Variants in TNIK observed in about 807,000 individuals in gnomAD.
TNIK encodes the protein TRAF2 and NCK-interacting protein kinase.
In TNIK, 49 loss-of-function variants were observed where a neutral mutation model predicts 191.3. The ratio of observed to expected loss-of-function variants is 0.26; its 90% CI spans 0.20 to 0.32. TNIK has a LOEUF of 0.32. Ranked by LOEUF, TNIK falls within the 10% of genes least tolerant of loss-of-function variation. The probability of loss-of-function intolerance (pLI) is 1.00; values close to 1 mark genes in which losing one functional copy is unlikely to be tolerated. For synonymous variants in TNIK, 594 were observed against 600.9 expected (o/e 0.99, Z 0.17); for missense variants, 1,155 against 1,702.3 (o/e 0.68, Z 5.66).
chr3:171,410,349 C>A (rs546100113), intron 1 of TNIK, among the ~76,000 whole-genome samples: 1 of 152,330 alleles, frequency 6.6e-6, no homozygotes, highest in African/African-American at 2.4e-5. Context: ...CCTGAGAAGG[C>A]TGGCTGACAC....
chr3:171,350,565 T>G (rs1309520987), intron 2 of TNIK, among the ~76,000 whole-genome samples: 1 of 135,764 alleles, frequency 7.4e-6, no homozygotes, highest in Non-Finnish European at 1.5e-5. Context: ...AGTGAAAGAT[T>G]TCCATATAAC....
intron 3 of TNIK, among the ~76,000 whole-genome samples, chr3:171,215,904 C>T (rs1741401920): frequency 6.6e-6 from 1 of 152,144 alleles, no homozygotes; most frequent in Non-Finnish European, 1.5e-5. Flanking sequence ...GCAATTCCTA[C>T]AGCAAGTCTA....
chr3:171,225,220 C>T (rs905128), intron 3 of TNIK, among the ~76,000 whole-genome samples: 40,379 of 152,030 alleles, frequency 0.27, 7,163 homozygotes, highest in African/African-American at 0.5. Context: ...ATAGAATAGA[C>T]TGTCTTCTAA....
In TNIK at chr3:171,208,679, T is replaced by C. The variant is rs564294505; in HGVS notation, c.306+2437A>G. Among the ~76,000 whole-genome samples the C allele has an allele frequency of 3.3e-5, 5 of 152,194 alleles. No individual in the cohort carries two copies. In the East Asian group the frequency reaches 5.8e-4, roughly 18 times the overall value. ...TTCAAGCAATTCTCCTGCCTCAGCC[T>C]CTGGAGTAGCTGGAATTACAGGCAG... On this transcript the variant is annotated intron_variant, in intron 4 of 32. Transcript: ENST00000436636.
chr3:171,143,636 A>ATCCCT, intron 12 of TNIK, among the ~76,000 whole-genome samples: 1 of 152,296 alleles, frequency 6.6e-6, no homozygotes, highest in East Asian at 1.9e-4. Flanking sequence ...ATTTGAGTAT[A>ATCCCT]TCTTACCAAC....
intron 15 of TNIK, among the ~76,000 whole-genome samples, chr3:171,134,446 A>C (rs1729700777): frequency 6.6e-6 from 1 of 151,886 alleles, no homozygotes; most frequent in Non-Finnish European, 1.5e-5. Flanking sequence ...ATGCCCAGCT[A>C]ATTTTTATTA....
intron 1 of TNIK, among the ~76,000 whole-genome samples, chr3:171,408,664 TG>T (rs1722013577): frequency 6.6e-6 from 1 of 152,126 alleles, no homozygotes; most frequent in African/African-American, 2.4e-5. Context: ...CTCAGTAGGT[TG>T]TTGTGATGAT....
intron 2 of TNIK, among the ~76,000 whole-genome samples, chr3:171,293,837 T>C (rs1751961570): frequency 6.6e-6 from 1 of 152,164 alleles, no homozygotes. Flanking sequence ...CCTAGCACTT[T>C]AGGAGATCAA....
Position 171,177,314 on chromosome 3 carries a change from G to T in TNIK, c.694+12C>A. 1 of 1,604,828 alleles carries T rather than the reference G, an allele frequency of 6.2e-7. No individual in the cohort carries two copies. The highest frequency in any genetic ancestry group is 8.5e-7 in the Non-Finnish European group (1 of 1,175,624). On this transcript the variant is annotated intron_variant, in intron 8 of 32. Transcript: ENST00000436636. ...ACCAGCAACAGATTTCACCCCAGAG[G>T]AGGGTACTTACGGGGAGCACCTTCT...
intron 1 of TNIK, among the ~76,000 whole-genome samples, chr3:171,434,867 T>C (rs2108672098): frequency 6.6e-6 from 1 of 152,338 alleles, no homozygotes; most frequent in African/African-American, 2.4e-5. Flanking sequence ...TCCTGACACC[T>C]TGATATCATC....
intron 1 of TNIK, among the ~76,000 whole-genome samples, chr3:171,383,177 C>A (rs1411308787): frequency 6.6e-6 from 1 of 152,158 alleles, no homozygotes; most frequent in Admixed American, 6.5e-5. Flanking sequence ...CCTTCCAAAG[C>A]TGGCTGATGA....
chr3:171,355,324 TTTC>T (rs1326049406), intron 2 of TNIK, among the ~76,000 whole-genome samples: 2 of 152,186 alleles, frequency 1.3e-5, no homozygotes, highest in East Asian at 1.9e-4. Context: ...CTGTGATAGG[TTTC>T]TTGAGGGAAT....
At chr3:171,391,553 T>C (rs1335527811) in intron 1 of TNIK, among the ~76,000 whole-genome samples, 2 of 152,344 alleles carry the variant, frequency 1.3e-5, no homozygotes, top group South Asian at 2.1e-4. Context: ...GTTTTCCCCA[T>C]ATACTTATCT....
rs141650053 is a variant in TNIK at position 171,102,837 on chromosome 3, A to G, written c.2407-1204T>C. ...GTGATGACATTGGGTAATCCATCCT[A>G]ATCGGTTAAAAGAAAAGCTGTGATA... is the stretch of plus-strand genomic sequence containing the variant. On this transcript the variant is annotated intron_variant, in intron 21 of 32. Coordinates refer to ENST00000436636, the MANE Select transcript of TNIK (RefSeq NM_015028.4). 1.7e-3 allele frequency among the ~76,000 whole-genome samples: 261 copies of G among 152,288 alleles called. 1 individual carries two copies. The highest frequency in any genetic ancestry group is 6.0e-3 in the African/African-American group (248 of 41,566).
chr3:171,181,349 G>T (rs115802191), intron 7 of TNIK, among the ~76,000 whole-genome samples: 15 of 152,308 alleles, frequency 9.8e-5, no homozygotes, highest in African/African-American at 3.6e-4. Flanking sequence ...CCACTGTCAG[G>T]TGACACTGCC....
chr3:171,365,606 T>G (rs1715629530), intron 2 of TNIK, among the ~76,000 whole-genome samples: 1 of 152,182 alleles, frequency 6.6e-6, no homozygotes, highest in Admixed American at 6.5e-5. Context: ...TGTGATAACA[T>G]TCAAAGGAAC....
At chr3:171,225,404 A>G (rs1742848025) in intron 3 of TNIK, 3 of 317,032 alleles carry the variant, frequency 9.5e-6, no homozygotes, top group African/African-American at 2.2e-5. Flanking sequence ...CATCAATGAC[A>G]TGACTGAATC....
At chr3:171,376,608 T>C (rs997201766) in intron 1 of TNIK, among the ~76,000 whole-genome samples, 1 of 152,056 alleles carries the variant, frequency 6.6e-6, no homozygotes, top group East Asian at 1.9e-4. Flanking sequence ...GAAAAGGTGC[T>C]CCAAGAGTAT....
intron 1 of TNIK, among the ~76,000 whole-genome samples, chr3:171,408,730 C>A (rs2108596289): frequency 6.6e-6 from 1 of 152,270 alleles, no homozygotes; most frequent in Middle Eastern, 3.4e-3. Flanking sequence ...CAACACAAAC[C>A]ACCCTCTTTC....
Sources: allele counts gnomAD v4.1 joint callset (sites outside exome capture counted in the v4.1 genomes callset), GRCh38; gene constraint gnomAD v4.1.1; transcripts MANE v1.5; gene names NCBI Gene and HGNC (gene_info 2026-07-23, HGNC 2026-07-21).